ATRNL1: variants seen among roughly 807,000 people sequenced by gnomAD.
The protein encoded by ATRNL1 is attractin like 1, also known as attractin-like protein 1.
ATRNL1 carries 95 observed loss-of-function variants against 182.7 expected under a neutral mutation model. That is an observed-to-expected ratio of 0.52 (90% CI 0.44 to 0.62). The LOEUF is 0.62. ATRNL1 is among the 20% of genes least tolerant of loss of function. ATRNL1 has a pLI of 0.00. For synonymous variants in ATRNL1, 576 were observed against 568.3 expected, an observed-to-expected ratio of 1.01 and a Z score of -0.19; for missense variants, 1,471 against 1,679.5, an observed-to-expected ratio of 0.88 and a Z score of 2.17.
intron 28 of ATRNL1, among the ~76,000 whole-genome samples, chr10:115,861,929 C>G (rs1336011955): frequency 6.6e-6 from 1 of 152,098 alleles, no homozygotes; most frequent in African/African-American, 2.4e-5. Context: ...CATAGTGAGA[C>G]CCCCATCTCT....
At chr10:115,775,813 C>T (rs1349528485) in intron 27 of ATRNL1, among the ~76,000 whole-genome samples, 5 of 151,984 alleles carry the variant, frequency 3.3e-5, no homozygotes, top group Non-Finnish European at 7.4e-5. Flanking sequence ...CAAAAATTAG[C>T]CGGGCATGGT....
intron 17 of ATRNL1, among the ~76,000 whole-genome samples, chr10:115,302,544 A>G (rs140667085): frequency 1.5e-3 from 234 of 152,336 alleles, no homozygotes; most frequent in Middle Eastern, 6.8e-3. Context: ...CAATGTTGGT[A>G]TATCTGCTAC....
intron 27 of ATRNL1, among the ~76,000 whole-genome samples, chr10:115,740,365 TGA>T (rs1948099555): frequency 1.4e-4 from 1 of 7,346 alleles, no homozygotes; most frequent in Admixed American, 2.9e-3. Context: ...TTACCATTAA[TGA>T]CATATAAAAG....
intron 26 of ATRNL1, among the ~76,000 whole-genome samples, chr10:115,574,640 A>G (rs1036744995): frequency 2.0e-5 from 3 of 152,064 alleles, no homozygotes; most frequent in Non-Finnish European, 2.9e-5. Context: ...TTTAAATCCT[A>G]TGTTACTTGG....
chr10:115,841,237 C>G (rs1397932081), intron 27 of ATRNL1, among the ~76,000 whole-genome samples: 6 of 152,032 alleles, frequency 3.9e-5, no homozygotes, highest in Admixed American at 1.3e-4. Flanking sequence ...ACCTAAACAC[C>G]TAGGGAAAAA....
intron 21 of ATRNL1, among the ~76,000 whole-genome samples, chr10:115,426,985 A>G (rs1456482531): frequency 6.6e-6 from 1 of 152,178 alleles, no homozygotes; most frequent in Non-Finnish European, 1.5e-5. Context: ...GGCCTCCCAA[A>G]GTGCTGTGAT....
intron 27 of ATRNL1, among the ~76,000 whole-genome samples, chr10:115,803,168 A>C (rs1424542871): frequency 6.6e-6 from 1 of 152,192 alleles, no homozygotes; most frequent in African/African-American, 2.4e-5. Flanking sequence ...ATTTTTAATG[A>C]CTTGAAATTG....
chr10:115,742,538 A>G (rs1463239520), intron 27 of ATRNL1, among the ~76,000 whole-genome samples: 1 of 152,176 alleles, frequency 6.6e-6, no homozygotes, highest in Non-Finnish European at 1.5e-5. Context: ...ATTTGTTTCA[A>G]AGGCTATGAT....
chr10:115,149,685 A>C (rs530777235), intron 5 of ATRNL1, among the ~76,000 whole-genome samples: 1 of 152,076 alleles, frequency 6.6e-6, no homozygotes, highest in South Asian at 2.1e-4. Flanking sequence ...CCTGGGATAA[A>C]TCTCACTTGA....
intron 27 of ATRNL1, among the ~76,000 whole-genome samples, chr10:115,839,773 T>C (rs1950761273): frequency 6.6e-6 from 1 of 152,182 alleles, no homozygotes. Context: ...GAGTGGGTAC[T>C]GTGCCTATGT....
intron 19 of ATRNL1, among the ~76,000 whole-genome samples, chr10:115,362,969 T>C (rs1301702647): frequency 2.5e-4 from 38 of 152,106 alleles, no homozygotes; most frequent in African/African-American, 6.5e-4. Flanking sequence ...TGAATAGTGC[T>C]GCAATAAACA....
At chr10:115,905,120 A>G (rs185332660) in intron 28 of ATRNL1, among the ~76,000 whole-genome samples, 2 of 152,310 alleles carry the variant, frequency 1.3e-5, no homozygotes, top group East Asian at 3.9e-4. Context: ...GCTAGTCCCC[A>G]GCTACTAAAG....
intron 5 of ATRNL1, among the ~76,000 whole-genome samples, chr10:115,139,222 A>G (rs112222621): frequency 0.025 from 3,796 of 152,178 alleles, 57 homozygotes; most frequent in South Asian, 0.029. Context: ...ACATTTTTCT[A>G]TCTTCTTCTG....
At chr10:115,443,883 C>T (rs182372468) in intron 21 of ATRNL1, among the ~76,000 whole-genome samples, 63 of 152,182 alleles carry the variant, frequency 4.1e-4, no homozygotes, top group African/African-American at 1.5e-3. Context: ...TCTGAATTCT[C>T]TATGCCTCAG....
intron 27 of ATRNL1, among the ~76,000 whole-genome samples, chr10:115,741,259 G>T (rs556334758): frequency 1.3e-5 from 2 of 152,140 alleles, no homozygotes; most frequent in Non-Finnish European, 2.9e-5. Context: ...TCAATGTATT[G>T]CTGAATGTTT....
chr10:115,636,506 C>G (rs1555028214), intron 26 of ATRNL1, among the ~76,000 whole-genome samples: 1 of 152,134 alleles, frequency 6.6e-6, no homozygotes, highest in Non-Finnish European at 1.5e-5. Context: ...TATGTCAAGA[C>G]CTACGTGTTA....
At chr10:115,749,744 A>C (rs2960638) in intron 27 of ATRNL1, among the ~76,000 whole-genome samples, 144,198 of 151,744 alleles carry the variant, frequency 0.95, 68,926 homozygotes, top group East Asian at 1. Context: ...AAAGAGAGAT[A>C]TCTAAAAAGG....
rs563256201 is a variant in ATRNL1, at chr10:115,467,118, C to CAT, written c.3418-49_3418-48dup. ...ACATAATTAAATCAGTAGACTAAAT[C>CAT]ATATATATCTAGTGTAATTTTCGTT... On this transcript the variant is annotated intron_variant, in intron 22 of 28. Transcript: ENST00000355044. 3.3e-4 allele frequency: 305 copies of CAT among 927,504 alleles called. No homozygotes were observed. In the African/African-American group the frequency reaches 4.5e-3, roughly 14 times the overall value. 57.5% of individuals were successfully genotyped at this position (927,504 alleles called of 1,614,324 possible).
chr10:115,897,373 TTATC>T (rs1952234023), intron 28 of ATRNL1, among the ~76,000 whole-genome samples: 1 of 152,208 alleles, frequency 6.6e-6, no homozygotes, highest in South Asian at 2.1e-4. Flanking sequence ...GGAAGGTACT[TTATC>T]TAGCAACCCC....
Sources: allele counts gnomAD v4.1 joint callset (sites outside exome capture counted in the v4.1 genomes callset), GRCh38; gene constraint gnomAD v4.1.1; transcripts MANE v1.5; gene names NCBI Gene and HGNC (gene_info 2026-07-23, HGNC 2026-07-21).